Variants in HSD17B12 observed in about 807,000 individuals in gnomAD.
HSD17B12 encodes the protein very-long-chain 3-oxoacyl-CoA reductase.
A neutral mutation model predicts 39.3 loss-of-function variants in HSD17B12; 32 were observed. The ratio of observed to expected loss-of-function variants is 0.81; its 90% confidence interval spans 0.61 to 1.09. The LOEUF (loss-of-function observed/expected upper bound fraction) is 1.09. HSD17B12 is among the 50% of genes least tolerant of loss of function. The pLI is 0.00. For missense variants in HSD17B12, 342 were observed against 382.9 expected, an observed-to-expected ratio of 0.89 and a Z score of 0.89; for synonymous variants, 150 against 146.7, an observed-to-expected ratio of 1.02 and a Z score of -0.16.
intron 1 of HSD17B12, among the ~76,000 whole-genome samples, chr11:43,681,670 A>AT (rs67174721): frequency 2.4e-3 from 354 of 147,430 alleles, no homozygotes; most frequent in African/African-American, 7.6e-3. Context: ...TTAAAATCAG[A>AT]TTTTTTTTTT....
chr11:43,679,750 G>T (rs1402730274), upstream of HSD17B12, among the ~76,000 whole-genome samples: 1 of 152,046 alleles, frequency 6.6e-6, no homozygotes, highest in Non-Finnish European at 1.5e-5. Flanking sequence ...TGATGCCATC[G>T]TCTAACAGTT....
chr11:43,800,283 G>A (rs367773361), intron 4 of HSD17B12, among the ~76,000 whole-genome samples: 1 of 152,218 alleles, frequency 6.6e-6, no homozygotes, highest in Admixed American at 6.5e-5. Context: ...CTGGAAGGGA[G>A]ATTGAGAATC....
chr11:43,571,015 T>C, the HSD17B12 span, among the ~76,000 whole-genome samples: 2 of 152,194 alleles, frequency 1.3e-5, no homozygotes, highest in Admixed American at 6.5e-5. Flanking sequence ...CCTATACTTA[T>C]TAGACTAGGA....
intron 1 of HSD17B12, among the ~76,000 whole-genome samples, chr11:43,741,909 TG>T (rs1950368852): frequency 6.7e-6 from 1 of 149,478 alleles, no homozygotes; most frequent in Non-Finnish European, 1.5e-5. Context: ...AATTTTTTTG[TG>T]TTTTTAGTAG....
At chr11:43,649,078 A>G in the HSD17B12 span, among the ~76,000 whole-genome samples, 2 of 151,702 alleles carry the variant, frequency 1.3e-5, no homozygotes, top group African/African-American at 4.8e-5. Context: ...CATGTTTTCA[A>G]TAAAGTTGTA....
intron 3 of HSD17B12, among the ~76,000 whole-genome samples, chr11:43,795,647 C>CT (rs1428636582): frequency 6.6e-6 from 1 of 152,128 alleles, no homozygotes; most frequent in African/African-American, 2.4e-5. Context: ...ACATTGTTGT[C>CT]TGCATGCGAT....
chr11:43,590,475 T>C, the HSD17B12 span, among the ~76,000 whole-genome samples: 2 of 145,556 alleles, frequency 1.4e-5, no homozygotes, highest in Non-Finnish European at 3.0e-5. Context: ...CAAGAAATAG[T>C]TTTACCATTT....
intron 6 of HSD17B12, among the ~76,000 whole-genome samples, chr11:43,829,100 T>G (rs1174015027): frequency 6.6e-6 from 1 of 152,194 alleles, no homozygotes; most frequent in East Asian, 1.9e-4. Flanking sequence ...GATGTTACAT[T>G]TTATGACAAG....
intron 6 of HSD17B12, among the ~76,000 whole-genome samples, chr11:43,826,446 T>C (rs552318205): frequency 6.6e-6 from 1 of 152,306 alleles, no homozygotes; most frequent in African/African-American, 2.4e-5. Flanking sequence ...GGAATCATTA[T>C]TAATTGGCAT....
the HSD17B12 span, among the ~76,000 whole-genome samples, chr11:43,657,206 C>T: frequency 3.3e-5 from 5 of 152,016 alleles, no homozygotes; most frequent in East Asian, 3.9e-4. Flanking sequence ...CTGTTTTGTC[C>T]GAGATTAAGA....
the HSD17B12 span, among the ~76,000 whole-genome samples, chr11:43,655,313 G>T: frequency 6.6e-6 from 1 of 152,096 alleles, no homozygotes; most frequent in Non-Finnish European, 1.5e-5. Context: ...GGGCTGAGAC[G>T]ATGGGGTTTT....
chr11:43,855,554 C>T lies in HSD17B12; in HGVS notation c.*306C>T, dbSNP rs980117950. 7 of 165,562 alleles carry T rather than the reference C, an allele frequency of 4.2e-5. No homozygotes were observed. The highest frequency in any genetic ancestry group is 1.7e-4 in the African/African-American group (7 of 41,954). The allele number at this position is 165,562 out of a possible 1,614,324, so 10.3% of individuals were successfully genotyped here. A position where few individuals can be genotyped will look rare whatever the true frequency, so the allele number is the denominator to read the frequency against. ...ATAGCAAATCACAGAATGATAGACT[C>T]AAGCATAAAACTTGGCAGTTTTATC... On this transcript the variant is annotated 3_prime_UTR_variant, in exon 11 of 11. Coordinates refer to ENST00000278353, the MANE Select transcript of HSD17B12 (RefSeq NM_016142.3).
At chr11:43,808,611 C>A (rs187429392) in intron 4 of HSD17B12, among the ~76,000 whole-genome samples, 1 of 152,292 alleles carries the variant, frequency 6.6e-6, no homozygotes, top group Admixed American at 6.5e-5. Context: ...TTTCTTCATT[C>A]CCTCTTCCAA....
chr11:43,730,323 C>T (rs1208152263), intron 1 of HSD17B12, among the ~76,000 whole-genome samples: 1 of 152,128 alleles, frequency 6.6e-6, no homozygotes, highest in African/African-American at 2.4e-5. Flanking sequence ...TATGAAGCCC[C>T]TTTAAAAAGA....
chr11:43,841,090 T>C (rs980696311), intron 9 of HSD17B12, among the ~76,000 whole-genome samples: 1 of 152,226 alleles, frequency 6.6e-6, no homozygotes, highest in Non-Finnish European at 1.5e-5. Context: ...TGAAGTGGTA[T>C]CTCATTGTGG....
chr11:43,796,276 G>A lies in HSD17B12; in HGVS notation c.284-2044G>A, dbSNP rs564037534. On this transcript the variant is annotated intron_variant, in intron 3 of 10. Coordinates refer to ENST00000278353, the MANE Select transcript of HSD17B12 (RefSeq NM_016142.3). ...TGACCTACGTTAAATAGGAAAAGCC[G>A]GGAACGATGGTGTGTGCCTATAGTC... 1.4e-4 allele frequency among the ~76,000 whole-genome samples: 22 copies of A among 152,164 alleles called. No homozygotes were observed. The South Asian group carries it at 4.4e-3, about 30-fold the overall frequency.
the HSD17B12 span, among the ~76,000 whole-genome samples, chr11:43,576,057 C>T: frequency 6.6e-6 from 1 of 152,142 alleles, no homozygotes; most frequent in Non-Finnish European, 1.5e-5. Context: ...TATGCCCCCC[C>T]ACCCCCTACT....
At chr11:43,854,349 C>T (rs1343275668) in intron 9 of HSD17B12, 1 of 172,268 alleles carries the variant, frequency 5.8e-6, no homozygotes, top group Non-Finnish European at 1.2e-5. Context: ...CAAAGATCTC[C>T]TACTTGGTGG....
chr11:43,841,756 T>C (rs1250568666), intron 9 of HSD17B12, among the ~76,000 whole-genome samples: 1 of 152,200 alleles, frequency 6.6e-6, no homozygotes, highest in Non-Finnish European at 1.5e-5. Flanking sequence ...TGCTCCTGCC[T>C]ATCAGCTACC....
Sources: allele counts gnomAD v4.1 joint callset (sites outside exome capture counted in the v4.1 genomes callset), GRCh38; gene constraint gnomAD v4.1.1; transcripts MANE v1.5; gene names NCBI Gene and HGNC (gene_info 2026-07-23, HGNC 2026-07-21).